Variants in HMOX2 observed in about 807,000 individuals in gnomAD.
HMOX2 encodes the protein heme oxygenase (decycling) 2.
In HMOX2, 30 loss-of-function variants were observed where a neutral mutation model predicts 33.7. That is an observed-to-expected ratio of 0.89 (90% CI 0.67 to 1.21). HMOX2 has a LOEUF of 1.21. Ranked by LOEUF, HMOX2 falls within the 50% of genes most tolerant of loss-of-function variation. The probability of loss-of-function intolerance (pLI) is 0.00; values close to 1 mark genes in which losing one functional copy is unlikely to be tolerated. For synonymous variants in HMOX2, 155 were observed against 155.0 expected (o/e 1.00, Z 0.00); for missense variants, 403 against 399.1 (o/e 1.01, Z -0.08).
chr16:4,481,317 C>T (rs1369612907), intron 1 of HMOX2, among the ~76,000 whole-genome samples: 4 of 145,850 alleles, frequency 2.7e-5, no homozygotes, highest in African/African-American at 5.1e-5. Flanking sequence ...CCACTGCGCT[C>T]CAGCCTGGGA....
intron 1 of HMOX2, among the ~76,000 whole-genome samples, chr16:4,484,475 TTTTGA>T (rs1328424883): frequency 4.1e-5 from 6 of 148,058 alleles, no homozygotes; most frequent in Admixed American, 6.7e-5. Flanking sequence ...TTTTTTTTTT[TTTTGA>T]GACGGAGTCT....
chr16:4,489,137 C>T (rs2058246699), intron 1 of HMOX2, among the ~76,000 whole-genome samples: 1 of 152,158 alleles, frequency 6.6e-6, no homozygotes, highest in African/African-American at 2.4e-5. Context: ...CTAAAAGGTA[C>T]GCTCTTAGTA....
At chr16:4,475,437 A>T (rs1245440850), upstream of HMOX2, among the ~76,000 whole-genome samples, 1 of 151,446 alleles carries the variant, frequency 6.6e-6, no homozygotes, top group Non-Finnish European at 1.5e-5. Context: ...TTTCCTGAGT[A>T]GCTGGGATTA....
chr16:4,495,833 G>A (rs574737999), intron 1 of HMOX2: 4 of 152,280 alleles, frequency 2.6e-5, no homozygotes, highest in East Asian at 3.9e-4. Flanking sequence ...CTTTGGTATA[G>A]GGATGCTCTG....
rs1198353396 is a variant in HMOX2, at chr16:4,508,108, G to A, written c.600G>A (p.Gln200=). The change falls in exon 4 of 6, where the codon CAG becomes CAA. Residue 200 remains glutamine (Q), a synonymous_variant. Coordinates refer to ENST00000570646, the MANE Select transcript of HMOX2 (RefSeq NM_002134.4). ...TGGACAATGCCCAGCAGTTCAAGCA[G>A]CTCTACCGGGCCAGGATGAACGCCC... ...ENVDNAQQFK[Q]LYRARMNALD... 2 of 1,614,206 alleles carry A rather than the reference G, an allele frequency of 1.2e-6. No individual in the cohort carries two copies. The highest frequency in any genetic ancestry group is 1.7e-6 in the Non-Finnish European group (2 of 1,180,034).
chr16:4,506,733 C>G (rs537988695), intron 2 of HMOX2, among the ~76,000 whole-genome samples, 162 bp from the exon 3 acceptor site: 1 of 152,288 alleles, frequency 6.6e-6, no homozygotes, highest in East Asian at 1.9e-4. Context: ...TGTTCCCTGA[C>G]AAGTTGCTGC....
At position 4,505,468 on chromosome 16, in the gene HMOX2, C is replaced by T; in HGVS notation, c.-41-16C>T. 2 of 1,369,358 alleles carry T rather than the reference C, an allele frequency of 1.5e-6. No homozygotes were observed. Among genetic ancestry groups the T allele is most frequent in the Admixed American group, 2.1e-5 (1 of 48,006 alleles). The allele number at this position is 1,369,358 out of a possible 1,614,324, so 84.8% of individuals were successfully genotyped here. On this transcript the variant is annotated splice_polypyrimidine_tract_variant and intron_variant, in intron 1 of 5. Coordinates refer to ENST00000570646, the MANE Select transcript of HMOX2 (RefSeq NM_002134.4). ...TGCCGTGGGTGCCACATCACCAGCT[C>T]CTTGTGTCTCTGCAGGACCAGAGGA... is the stretch of plus-strand genomic sequence containing the variant.
chr16:4,478,594 A>T (rs1249398176), intron 1 of HMOX2, among the ~76,000 whole-genome samples: 2 of 151,122 alleles, frequency 1.3e-5, no homozygotes, highest in Non-Finnish European at 3.0e-5. Flanking sequence ...CTACTAAGAA[A>T]AAAATAATAA....
chr16:4,506,785 A>G (rs968833526), intron 2 of HMOX2, 110 bp from the exon 3 acceptor site: 1 of 748,452 alleles, frequency 1.3e-6, no homozygotes, highest in Admixed American at 2.1e-5. Flanking sequence ...CCCAGCCTCC[A>G]GTACAACAGG....
rs373555341 is a variant in HMOX2 at position 4,507,663 on chromosome 16, C to A, written c.205-50C>A. ...ACTTGAGCCTCTGCATCCAGCTGCT[C>A]GGATGTGGTGTGCTCAGGCATAGCT... On this transcript the variant is annotated intron_variant, in intron 3 of 5. Coordinates refer to ENST00000570646, the MANE Select transcript of HMOX2 (RefSeq NM_002134.4). The A allele has an allele frequency of 5.1e-6, 8 of 1,579,316 alleles. No individual in the cohort carries two copies. The African/African-American group carries it at 1.1e-4, about 21-fold the overall frequency.
At chr16:4,484,957 T>C (rs977338370) in intron 1 of HMOX2, among the ~76,000 whole-genome samples, 11 of 151,982 alleles carry the variant, frequency 7.2e-5, no homozygotes, top group African/African-American at 2.7e-4. Context: ...GTTGTTTTTT[T>C]TTTCCCTGAA....
At chr16:4,495,523 A>G (rs2058397255) in intron 1 of HMOX2, 2 of 152,218 alleles carry the variant, frequency 1.3e-5, no homozygotes, top group Non-Finnish European at 2.9e-5. Context: ...ACCTTACTCT[A>G]TAGGCCTGTG....
At chr16:4,486,978 G>T (rs2058183847) in intron 1 of HMOX2, among the ~76,000 whole-genome samples, 1 of 152,202 alleles carries the variant, frequency 6.6e-6, no homozygotes, top group Non-Finnish European at 1.5e-5. Flanking sequence ...AAGGGCTTGA[G>T]GCTGGGCGTG....
Position 4,494,717 on chromosome 16 carries a change from A to T in HMOX2, c.-41-10767A>T, listed in dbSNP as rs899216157. 2.0e-5 allele frequency among the ~76,000 whole-genome samples: 3 copies of T among 152,266 alleles called. No individual in the cohort carries two copies. The South Asian group carries it at 6.2e-4, about 32-fold the overall frequency. ...AACATGGTGAAACCCTGTCTTTACT[A>T]AAAATACAAAAATTAGCCAGGTGTG... On this transcript the variant is annotated intron_variant, in intron 1 of 5. Coordinates refer to ENST00000570646, the MANE Select transcript of HMOX2 (RefSeq NM_002134.4).
upstream of HMOX2, chr16:4,476,345 C>G (rs1167275512): frequency 6.6e-6 from 1 of 152,300 alleles, no homozygotes; most frequent in Non-Finnish European, 1.5e-5. Context: ...CGTGTCATCT[C>G]TAGGCCCCGC....
chr16:4,487,154 G>C (rs909626577), intron 1 of HMOX2, among the ~76,000 whole-genome samples: 10 of 152,186 alleles, frequency 6.6e-5, no homozygotes, highest in Non-Finnish European at 1.5e-4. Context: ...AGCTGCTCGA[G>C]AGGCTAAGTT....
intron 2 of HMOX2, among the ~76,000 whole-genome samples, chr16:4,506,672 A>G (rs2058700721): frequency 6.6e-6 from 1 of 152,214 alleles, no homozygotes; most frequent in Non-Finnish European, 1.5e-5. Context: ...GGCCACAGTT[A>G]TCCCTTGTGT....
chr16:4,481,429 C>A, intron 1 of HMOX2, among the ~76,000 whole-genome samples: 2 of 151,706 alleles, frequency 1.3e-5, no homozygotes, highest in Middle Eastern at 3.4e-3. Flanking sequence ...AGTTGACTGG[C>A]TGGCCTCATA....
intron 1 of HMOX2, among the ~76,000 whole-genome samples, chr16:4,499,183 C>G (rs2058497827): frequency 6.6e-6 from 1 of 152,244 alleles, no homozygotes; most frequent in Non-Finnish European, 1.5e-5. Flanking sequence ...CCAGCGACTT[C>G]CTCAGTAAGA....
Sources: allele counts gnomAD v4.1 joint callset (sites outside exome capture counted in the v4.1 genomes callset), GRCh38; gene constraint gnomAD v4.1.1; transcripts MANE v1.5; gene names NCBI Gene and HGNC (gene_info 2026-07-23, HGNC 2026-07-21).